The following RGS7 variants were observed in gnomAD, a reference collection of about 807,000 sequenced individuals.
RGS7 encodes the protein regulator of G-protein signaling 7.
A neutral mutation model predicts 81.1 loss-of-function variants in RGS7; 27 were observed. The ratio of observed to expected loss-of-function variants is 0.33; its 90% CI spans 0.25 to 0.46. RGS7 has a LOEUF of 0.46. Among genes scored for constraint, RGS7 ranks in the 20% least tolerant of loss-of-function variants. RGS7 has a pLI of 1.00. For missense variants in RGS7, 396 were observed against 607.4 expected (o/e 0.65, Z 3.66); for synonymous variants, 208 against 207.7 (o/e 1.00, Z -0.01).
intron 3 of RGS7, among the ~76,000 whole-genome samples, chr1:241,074,659 G>A (rs551158383): frequency 6.6e-6 from 1 of 152,162 alleles, no homozygotes; most frequent in African/African-American, 2.4e-5. Flanking sequence ...CTGGCCACAA[G>A]TCTCTGACTT....
chr1:240,839,131 A>G (rs1158056089), intron 9 of RGS7, among the ~76,000 whole-genome samples: 2 of 152,100 alleles, frequency 1.3e-5, no homozygotes, highest in South Asian at 4.1e-4. Context: ...ATGCCTTTTG[A>G]GCTTTTATGT....
intron 2 of RGS7, among the ~76,000 whole-genome samples, chr1:241,221,898 T>C (rs1223870763): frequency 2.0e-5 from 3 of 152,136 alleles, no homozygotes; most frequent in Non-Finnish European, 4.4e-5. Flanking sequence ...TTTCTCTCTC[T>C]CTCTCTCTTT....
chr1:240,842,700 G>C (rs1658290858), intron 9 of RGS7, among the ~76,000 whole-genome samples: 1 of 152,098 alleles, frequency 6.6e-6, no homozygotes. Context: ...AAGTTCTTCT[G>C]ATATATCAAG....
intron 3 of RGS7, among the ~76,000 whole-genome samples, chr1:241,084,372 C>CA (rs1447011115): frequency 1.3e-5 from 2 of 151,890 alleles, no homozygotes; most frequent in Non-Finnish European, 2.9e-5. Context: ...GTTAGAGGAC[C>CA]AAAATAGTAA....
intron 2 of RGS7, among the ~76,000 whole-genome samples, chr1:241,307,056 T>C (rs757491146): frequency 1.6e-4 from 24 of 152,224 alleles, no homozygotes; most frequent in Non-Finnish European, 3.2e-4. Context: ...TTGAATAGAT[T>C]TTTATTGAAA....
At chr1:240,923,274 C>A (rs1235281571) in intron 6 of RGS7, among the ~76,000 whole-genome samples, 1 of 151,794 alleles carries the variant, frequency 6.6e-6, no homozygotes, top group East Asian at 1.9e-4. Flanking sequence ...TTCTGAAAAC[C>A]CACAGAATGT....
At position 240,868,599 on chromosome 1, in the gene RGS7, C is replaced by A. The variant is rs34824344; in HGVS notation, c.597G>T (p.Val199=). The A allele has an allele frequency of 6.2e-7, 1 of 1,614,038 alleles. No homozygotes were observed. Among genetic ancestry groups the A allele is most frequent in the Non-Finnish European group, 8.5e-7 (1 of 1,179,938 alleles). Residue 199 remains valine, a synonymous_variant, in exon 9 of 19, where the codon GTG becomes GTT. Coordinates refer to ENST00000440928, the MANE Select transcript of RGS7 (RefSeq NM_001364886.1). This position sits in a 1 kb window ranked among gnomAD's most constrained non-coding sequence, Gnocchi z 5.1. ...GACGCTTGCTTACCACGGGCCTGTGCACGTCCCAGAACGCTCTCTCTTGGC... is the reference window on the plus strand; with the variant it reads ...GACGCTTGCTTACCACGGGCCTGTGAACGTCCCAGAACGCTCTCTCTTGGC... ...LDSQERAFWD[V]HRPVPGCVNT...
intron 3 of RGS7, among the ~76,000 whole-genome samples, chr1:240,993,980 G>T (rs556798643): frequency 6.6e-6 from 1 of 152,044 alleles, no homozygotes; most frequent in African/African-American, 2.4e-5. Context: ...AAAATCCATT[G>T]TGTCTATTTG....
chr1:241,019,316 T>A (rs2059426163), intron 3 of RGS7, among the ~76,000 whole-genome samples: 1 of 152,104 alleles, frequency 6.6e-6, no homozygotes, highest in Non-Finnish European at 1.5e-5. Flanking sequence ...TGCTGCAGAC[T>A]TTTTTCTTTT....
chr1:240,904,350 G>T (rs1317500664), intron 6 of RGS7, among the ~76,000 whole-genome samples: 2 of 152,128 alleles, frequency 1.3e-5, no homozygotes, highest in East Asian at 1.9e-4. Context: ...TTTGTGTGTG[G>T]TCTATGTGTA....
intron 2 of RGS7, among the ~76,000 whole-genome samples, chr1:241,279,837 T>C (rs1007874920): frequency 6.6e-6 from 1 of 152,230 alleles, no homozygotes; most frequent in African/African-American, 2.4e-5. Flanking sequence ...AGATTAGTTT[T>C]TTCACTCAGC....
intron 3 of RGS7, among the ~76,000 whole-genome samples, chr1:240,987,013 A>G (rs927294272): frequency 2.0e-5 from 3 of 152,226 alleles, no homozygotes; most frequent in African/African-American, 4.8e-5. Flanking sequence ...AAAGGCCTGG[A>G]CCAGGCTCTG....
chr1:241,115,935 T>C (rs6665698), intron 2 of RGS7, among the ~76,000 whole-genome samples: 21,809 of 152,120 alleles, frequency 0.14, 2,772 homozygotes, highest in African/African-American at 0.33. Flanking sequence ...TGTTCTTATG[T>C]TAATGAGTGA....
chr1:241,314,034 G>T (rs1037846606), intron 2 of RGS7, among the ~76,000 whole-genome samples: 8 of 152,188 alleles, frequency 5.3e-5, no homozygotes, highest in Non-Finnish European at 1.0e-4. Flanking sequence ...AAAAAAAGTG[G>T]TTTTTTGAGA....
At chr1:240,876,675 C>A (rs544832230) in intron 6 of RGS7, among the ~76,000 whole-genome samples, 11 of 152,210 alleles carry the variant, frequency 7.2e-5, no homozygotes, top group Admixed American at 5.9e-4. Flanking sequence ...ACATTCATGG[C>A]CATAGGCTGG....
chr1:240,871,941 C>CT (rs1481579223), intron 6 of RGS7, among the ~76,000 whole-genome samples: 2 of 152,140 alleles, frequency 1.3e-5, no homozygotes, highest in Non-Finnish European at 2.9e-5. Flanking sequence ...TTTTGCCCAT[C>CT]TAATCTTTAT....
intron 6 of RGS7, among the ~76,000 whole-genome samples, chr1:240,914,181 T>C (rs370071537): frequency 8.6e-5 from 13 of 151,968 alleles, no homozygotes; most frequent in African/African-American, 3.1e-4. Flanking sequence ...GAAACACTCA[T>C]CGATTATGAT....
rs190913486 is a variant in RGS7, at chr1:240,839,064, C to G, written c.610-11892G>C. Among the ~76,000 whole-genome samples the G allele has an allele frequency of 2.6e-5, 4 of 152,278 alleles. No individual in the cohort carries two copies. In the East Asian group the frequency reaches 7.7e-4, roughly 29 times the overall value. On this transcript the variant is annotated intron_variant, in intron 9 of 18. Transcript: ENST00000440928. ...ACAGGCGTAAGCCACTGTGCCCGGC[C>G]TATTTTGCTGTCTTTAAGACAGCAA... is the stretch of plus-strand genomic sequence containing the variant.
At position 241,144,937 on chromosome 1, in the gene RGS7, G is replaced by A. The variant is rs953446555; in HGVS notation, c.79-46175C>T. On this transcript the variant is annotated intron_variant, in intron 2 of 18. Coordinates refer to ENST00000440928, the MANE Select transcript of RGS7 (RefSeq NM_001364886.1). This position sits in a 1 kb window ranked among gnomAD's most constrained non-coding sequence, Gnocchi z 4.7. ...TGGCAGGGCAGGATGGTGTGTGTGT[G>A]TGTGTGTGTGTGTGTGTGTGTGTGT... Among the ~76,000 whole-genome samples, 1 of 146,474 alleles carries A rather than the reference G, an allele frequency of 6.8e-6. No homozygotes were observed. The highest frequency in any genetic ancestry group is 1.5e-5 in the Non-Finnish European group (1 of 67,782).
Sources: gnomAD v4.1 joint callset for allele counts (sites outside exome capture counted in the v4.1 genomes callset) on GRCh38, gnomAD v4.1.1 for gene constraint, Gnocchi (gnomAD v3.1) non-coding constraint, MANE v1.5 for transcripts, NCBI Gene and HGNC (gene_info 2026-07-23, HGNC 2026-07-21) for gene names.